FAM110B: variants seen among roughly 807,000 people sequenced by gnomAD.
FAM110B encodes the protein protein FAM110B.
In FAM110B, 6 loss-of-function variants were observed where a neutral mutation model predicts 20.4. The ratio of observed to expected loss-of-function variants is 0.29; its 90% CI spans 0.16 to 0.58. The LOEUF (loss-of-function observed/expected upper bound fraction) is 0.58, where lower values mean the gene tolerates loss of function less well. FAM110B is among the 20% of genes least tolerant of loss of function. The pLI, the probability that FAM110B is intolerant of heterozygous loss-of-function variation, is 0.90. For missense variants in FAM110B, 434 were observed against 498.2 expected, an observed-to-expected ratio of 0.87 and a Z score of 1.23; for synonymous variants, 226 against 214.1, an observed-to-expected ratio of 1.06 and a Z score of -0.49.
chr8:58,077,882 A>C (rs1806077499), intron 3 of FAM110B, among the ~76,000 whole-genome samples: 1 of 152,226 alleles, frequency 6.6e-6, no homozygotes, highest in Non-Finnish European at 1.5e-5. Flanking sequence ...CCTAACCCCG[A>C]TACCTAATTC....
intron 2 of FAM110B, among the ~76,000 whole-genome samples, chr8:58,050,072 C>T (rs1805408615): frequency 6.6e-6 from 1 of 151,892 alleles, no homozygotes; most frequent in Non-Finnish European, 1.5e-5. Flanking sequence ...TCAATTTTAC[C>T]ATTGCTGAGA....
In FAM110B at chr8:58,132,159, A is replaced by G. The variant is rs188606761; in HGVS notation, c.-324-13748A>G. On this transcript the variant is annotated intron_variant, in intron 3 of 3. Coordinates refer to ENST00000519262, the MANE Select transcript of FAM110B (RefSeq NM_001377989.1). ...ATTGTCACTGCCTCATATTGGATTC[A>G]TTGGGCCTATTTTTTATATTTTATG... 1.7e-4 allele frequency among the ~76,000 whole-genome samples: 26 copies of G among 152,212 alleles called. No homozygotes were observed. The East Asian group carries it at 4.8e-3, about 28-fold the overall frequency.
intron 3 of FAM110B, among the ~76,000 whole-genome samples, chr8:58,096,487 C>G (rs956895387): frequency 6.6e-6 from 1 of 152,164 alleles, no homozygotes; most frequent in Non-Finnish European, 1.5e-5. Flanking sequence ...GGTCTTGACT[C>G]TTTATCCAAT....
chr8:58,065,919 C>G (rs1170583289), intron 2 of FAM110B, among the ~76,000 whole-genome samples: 1 of 152,100 alleles, frequency 6.6e-6, no homozygotes, highest in Non-Finnish European at 1.5e-5. Flanking sequence ...TTGGAAGGTC[C>G]TTGTACTCCT....
At chr8:58,060,657 T>G (rs1563354843) in intron 2 of FAM110B, among the ~76,000 whole-genome samples, 2 of 152,152 alleles carry the variant, frequency 1.3e-5, no homozygotes, top group African/African-American at 4.8e-5. Flanking sequence ...TTGCAAAAAG[T>G]AAAATGACAG....
At chr8:58,081,991 C>G (rs1000530127) in intron 3 of FAM110B, among the ~76,000 whole-genome samples, 23 of 152,178 alleles carry the variant, frequency 1.5e-4, no homozygotes, top group African/African-American at 5.1e-4. Flanking sequence ...AAAACTTTTG[C>G]CTTCATCAAA....
At chr8:58,017,143 A>G (rs1275084053) in intron 1 of FAM110B, among the ~76,000 whole-genome samples, 2 of 152,194 alleles carry the variant, frequency 1.3e-5, no homozygotes, top group Admixed American at 1.3e-4. Context: ...TGCAGCTTGG[A>G]TGCATGTGTT....
rs1296832329 is a variant in FAM110B at position 58,146,272 on chromosome 8, G to A, written c.42G>A (p.Pro14=). Residue 14 remains proline (P), a synonymous_variant, in exon 4 of 4, where the codon CCG becomes CCA. Transcript: ENST00000519262. The part of the protein sequence containing the change: ...ETLQTGSMVK[P]VSPAGTFTSA... ...TACAGACAGGTAGCATGGTGAAGCC[G>A]GTCAGCCCCGCGGGCACCTTCACCT... 15 of 1,612,078 alleles carry A rather than the reference G, an allele frequency of 9.3e-6. No individual in the cohort carries two copies. Among genetic ancestry groups the A allele is most frequent in the African/African-American group, 5.3e-5 (4 of 74,914 alleles).
At chr8:58,092,481 C>T (rs1563366974) in intron 3 of FAM110B, among the ~76,000 whole-genome samples, 3 of 152,160 alleles carry the variant, frequency 2.0e-5, no homozygotes, top group East Asian at 1.9e-4. Flanking sequence ...CACTTCTAAG[C>T]GAGAACATGC....
chr8:58,006,397 A>G (rs1804401595), intron 1 of FAM110B, among the ~76,000 whole-genome samples: 1 of 152,128 alleles, frequency 6.6e-6, no homozygotes, highest in Non-Finnish European at 1.5e-5. Context: ...GATAAGGCCT[A>G]AGGGACTGTG....
chr8:58,076,416 A>T (rs1806037666), intron 3 of FAM110B, among the ~76,000 whole-genome samples: 1 of 152,102 alleles, frequency 6.6e-6, no homozygotes, highest in Non-Finnish European at 1.5e-5. Flanking sequence ...AGGAACTGAG[A>T]CTGAGGAGGT....
At chr8:58,062,852 A>G (rs1362680199) in intron 2 of FAM110B, among the ~76,000 whole-genome samples, 3 of 152,246 alleles carry the variant, frequency 2.0e-5, no homozygotes, top group Non-Finnish European at 4.4e-5. Context: ...ATATAAGAAT[A>G]TCCTTACATA....
intron 3 of FAM110B, among the ~76,000 whole-genome samples, chr8:58,105,917 T>C (rs1806900135): frequency 6.6e-6 from 1 of 152,148 alleles, no homozygotes; most frequent in South Asian, 2.1e-4. Flanking sequence ...TCAGAACTTT[T>C]TAGTTTTCCT....
intron 3 of FAM110B, among the ~76,000 whole-genome samples, chr8:58,112,824 G>A (rs1297988751): frequency 6.6e-6 from 1 of 152,178 alleles, no homozygotes; most frequent in East Asian, 1.9e-4. Flanking sequence ...TCCACTTAAG[G>A]ACTAAGGGCT....
At chr8:58,084,251 A>G (rs537044553) in intron 3 of FAM110B, among the ~76,000 whole-genome samples, 3 of 152,262 alleles carry the variant, frequency 2.0e-5, no homozygotes, top group African/African-American at 7.2e-5. Context: ...GAGAAGATGA[A>G]CTATAATATT....
chr8:58,074,245 AC>A (rs1329210066), intron 2 of FAM110B, among the ~76,000 whole-genome samples: 1 of 151,328 alleles, frequency 6.6e-6, no homozygotes, highest in African/African-American at 2.4e-5. Context: ...CTCCTTTGCT[AC>A]CCCCCTGTAA....
At position 58,146,414 on chromosome 8, in the gene FAM110B, G is replaced by A; in HGVS notation, c.184G>A (p.Val62Ile). The A allele has an allele frequency of 1.2e-6, 2 of 1,614,026 alleles. No homozygotes were observed. Among genetic ancestry groups the A allele is most frequent in the Non-Finnish European group, 1.7e-6 (2 of 1,179,972 alleles). ...GCTGGAGGCCGACAAGGCCAAGTAC[G>A]TCAAGAGCCAGGAGGTGATCAACGC... ...ERLEADKAKYVKSQEVINAKQ... is the reference protein window; with the variant it reads ...ERLEADKAKYIKSQEVINAKQ... The change falls in exon 4 of 4, where the codon GTC becomes ATC. Residue 62 changes from valine (V) to isoleucine (I), a missense_variant. Val to Ile is a conservative substitution (Grantham distance 29). Transcript: ENST00000519262.
intron 2 of FAM110B, among the ~76,000 whole-genome samples, chr8:58,055,085 T>C (rs1209184393): frequency 6.6e-6 from 1 of 152,182 alleles, no homozygotes; most frequent in Admixed American, 6.5e-5. Context: ...CAAAAAGGAC[T>C]GCAAGCAGCA....
chr8:58,051,685 A>AC (rs1463283858), intron 2 of FAM110B, among the ~76,000 whole-genome samples: 3 of 152,226 alleles, frequency 2.0e-5, no homozygotes, highest in African/African-American at 7.2e-5. Context: ...GGTAAAAAGT[A>AC]CTATGGAGGA....
Sources: gnomAD v4.1 joint callset for allele counts (sites outside exome capture counted in the v4.1 genomes callset) on GRCh38, gnomAD v4.1.1 for gene constraint, MANE v1.5 for transcripts, NCBI Gene and HGNC (gene_info 2026-07-23, HGNC 2026-07-21) for gene names.